The following NEK1 variants were observed in gnomAD, a reference collection of about 807,000 sequenced individuals.
The protein encoded by NEK1 is serine/threonine-protein kinase Nek1.
NEK1 carries 137 observed loss-of-function variants against 182.1 expected under a neutral mutation model. The observed-to-expected ratio is 0.75, with a 90% confidence interval of 0.65 to 0.87. The LOEUF (loss-of-function observed/expected upper bound fraction) is 0.87, where lower values mean the gene tolerates loss of function less well. Among genes scored for constraint, NEK1 ranks in the 40% least tolerant of loss-of-function variants. The pLI is 0.00. For missense variants in NEK1, 1,391 were observed against 1,494.4 expected (o/e 0.93, Z 1.14); for synonymous variants, 513 against 492.2 (o/e 1.04, Z -0.56).
At chr4:169,606,224 AAAAT>A in intron 2 of NEK1, among the ~76,000 whole-genome samples, 1 of 150,392 alleles carries the variant, frequency 6.6e-6, no homozygotes, top group Admixed American at 6.7e-5. Flanking sequence ...TTAAAAAGTA[AAAAT>A]AAATAAACTG....
intron 23 of NEK1, among the ~76,000 whole-genome samples, chr4:169,496,537 G>A (rs374438276): frequency 0.032 from 4,861 of 151,194 alleles, 96 homozygotes; most frequent in Middle Eastern, 0.051. Flanking sequence ...ATTGGCTGTG[G>A]GTTTGTCATA....
Position 169,458,122 on chromosome 4 carries a change from T to C in NEK1, c.2587+5121A>G, listed in dbSNP as rs186262709. 3.9e-3 allele frequency among the ~76,000 whole-genome samples: 589 copies of C among 151,840 alleles called. 4 individuals carry two copies. The highest frequency in any genetic ancestry group is 5.5e-3 in the Non-Finnish European group (375 of 67,912). On this transcript the variant is annotated intron_variant, in intron 27 of 35. Coordinates refer to ENST00000507142, the MANE Select transcript of NEK1 (RefSeq NM_001199397.3). ...AATACATAATTGAAGGAGAACAAAGTTGGGGGACTGACACTATGTGACTTC... is the reference window on the plus strand; with the variant it reads ...AATACATAATTGAAGGAGAACAAAGCTGGGGGACTGACACTATGTGACTTC...
At chr4:169,592,832 C>T (rs899039157) in intron 5 of NEK1, among the ~76,000 whole-genome samples, 12 of 151,844 alleles carry the variant, frequency 7.9e-5, no homozygotes, top group African/African-American at 2.7e-4. Flanking sequence ...CTAAGGAGTC[C>T]GTACAGTGAT....
At chr4:169,540,639 G>A (rs569010398) in intron 18 of NEK1, among the ~76,000 whole-genome samples, 45 of 152,120 alleles carry the variant, frequency 3.0e-4, no homozygotes, top group African/African-American at 1.0e-3. Flanking sequence ...TATTTCTTTT[G>A]AGTTCCAGAA....
rs149914021 is a variant in NEK1, at chr4:169,527,577, C to A, written c.1665+10232G>T. Reference sequence around the variant, plus strand: ...TTTCTATGTTCCAACTGAAATAGTACAATATTGTTTATAAACAGATTGTAA... The same window carrying A: ...TTTCTATGTTCCAACTGAAATAGTAAAATATTGTTTATAAACAGATTGTAA... On this transcript the variant is annotated intron_variant, in intron 19 of 35. Coordinates refer to ENST00000507142, the MANE Select transcript of NEK1 (RefSeq NM_001199397.3). Among the ~76,000 whole-genome samples the A allele has an allele frequency of 2.5e-3, 373 of 152,102 alleles. 2 individuals are homozygous for A. The highest frequency in any genetic ancestry group is 1.0e-2 in the South Asian group (48 of 4,818).
intron 29 of NEK1, among the ~76,000 whole-genome samples, chr4:169,429,525 T>C (rs1011457197): frequency 6.6e-6 from 1 of 152,172 alleles, no homozygotes; most frequent in African/African-American, 2.4e-5. Flanking sequence ...GTCATTTCTC[T>C]TCCCCATTGC....
chr4:169,593,554 A>G (rs1248881516), intron 5 of NEK1, among the ~76,000 whole-genome samples: 1 of 152,212 alleles, frequency 6.6e-6, no homozygotes, highest in East Asian at 1.9e-4. Flanking sequence ...TGGAATATGT[A>G]AGCAAAGCAG....
At chr4:169,398,064 C>G (rs1029724400) in intron 35 of NEK1, among the ~76,000 whole-genome samples, 2 of 152,196 alleles carry the variant, frequency 1.3e-5, no homozygotes, top group African/African-American at 4.8e-5. Context: ...ATATGAGAAA[C>G]AGCCTCATGA....
chr4:169,515,164 T>C (rs1388832816), intron 19 of NEK1, among the ~76,000 whole-genome samples: 2 of 152,208 alleles, frequency 1.3e-5, no homozygotes, highest in African/African-American at 4.8e-5. Context: ...ATTTCTAGTT[T>C]AATTCCACTG....
intron 13 of NEK1, 114 bp downstream of exon 13, chr4:169,562,023 G>A (rs752000905): frequency 9.2e-7 from 1 of 1,087,964 alleles, no homozygotes; most frequent in Non-Finnish European, 1.3e-6. Flanking sequence ...AGAAGTTATA[G>A]GTATTCGTTT....
At chr4:169,493,042 G>A (rs1033324084) in intron 23 of NEK1, among the ~76,000 whole-genome samples, 1 of 152,146 alleles carries the variant, frequency 6.6e-6, no homozygotes, top group Non-Finnish European at 1.5e-5. Context: ...CTGGTGGCTC[G>A]ATGAAAGTGA....
intron 12 of NEK1, 50 bp from the exon 13 acceptor site, chr4:169,562,246 T>C: frequency 7.7e-7 from 1 of 1,295,694 alleles, no homozygotes; most frequent in Non-Finnish European, 1.1e-6. Flanking sequence ...GAGGCACTTA[T>C]TTGAAAATCC....
intron 18 of NEK1, among the ~76,000 whole-genome samples, chr4:169,548,067 T>G (rs935053079): frequency 6.6e-6 from 1 of 152,226 alleles, no homozygotes; most frequent in Non-Finnish European, 1.5e-5. Flanking sequence ...GTTTTTGGAA[T>G]TTTCAGCCTT....
intron 35 of NEK1, among the ~76,000 whole-genome samples, chr4:169,398,240 AC>A (rs1731041227): frequency 6.6e-6 from 1 of 152,108 alleles, no homozygotes; most frequent in Admixed American, 6.6e-5. Flanking sequence ...TTAGAAAAAT[AC>A]AACATGTTTT....
chr4:169,448,109 T>G (rs1740937379), intron 27 of NEK1, among the ~76,000 whole-genome samples: 1 of 151,934 alleles, frequency 6.6e-6, no homozygotes, highest in Admixed American at 6.6e-5. Flanking sequence ...GACATGCTTG[T>G]AGTCCCAGCT....
intron 23 of NEK1, among the ~76,000 whole-genome samples, chr4:169,495,062 T>C (rs934938109): frequency 6.4e-4 from 98 of 152,260 alleles, no homozygotes; most frequent in African/African-American, 2.3e-3. Flanking sequence ...CTGATGGTAG[T>C]TTCTTTTGCT....
intron 24 of NEK1, among the ~76,000 whole-genome samples, chr4:169,479,091 T>A (rs1747502573): frequency 6.6e-6 from 1 of 152,150 alleles, no homozygotes; most frequent in Admixed American, 6.6e-5. Context: ...TTGTTAATCA[T>A]GAGGGTTGGG....
rs1054984287 is a variant in NEK1 at position 169,601,937 on chromosome 4, T to G, written c.214+71A>C. 2.8e-6 allele frequency: 3 copies of G among 1,069,566 alleles called. No homozygotes were observed. The East Asian group carries it at 7.1e-5, about 25-fold the overall frequency. The allele number at this position is 1,069,566 out of a possible 1,614,324, so 66.3% of individuals were successfully genotyped here. ...TTAAGCAAAAATGGTATCTTTTTCC[T>G]AAGAATGCATTCACAAAAAGATTTA... On this transcript the variant is annotated intron_variant, in intron 4 of 35. Transcript: ENST00000507142.
intron 12 of NEK1, among the ~76,000 whole-genome samples, chr4:169,574,476 G>A (rs1765374316): frequency 6.6e-6 from 1 of 152,104 alleles, no homozygotes; most frequent in South Asian, 2.1e-4. Context: ...GCGGGCGCCT[G>A]TAGTCCCACA....
Sources: gnomAD v4.1 joint callset for allele counts (sites outside exome capture counted in the v4.1 genomes callset) on GRCh38, gnomAD v4.1.1 for gene constraint, MANE v1.5 for transcripts, NCBI Gene and HGNC (gene_info 2026-07-23, HGNC 2026-07-21) for gene names.